Variants in TBC1D5 observed in about 807,000 individuals in gnomAD.
TBC1D5 encodes the protein TBC1 domain family member 5, also known as TBC1 domain family, member 5.
Under a neutral mutation model 100.3 loss-of-function variants are expected in TBC1D5, and 75 were observed. The ratio of observed to expected loss-of-function variants is 0.75; its 90% CI spans 0.62 to 0.91. The LOEUF is 0.91. Among genes scored for constraint, TBC1D5 ranks in the 40% least tolerant of loss-of-function variants. TBC1D5 has a pLI of 0.00. For missense variants in TBC1D5, 910 were observed against 942.4 expected (o/e 0.97, Z 0.45); for synonymous variants, 323 against 325.6 (o/e 0.99, Z 0.09).
At chr3:17,626,462 T>A (rs2063071801) in intron 1 of TBC1D5, among the ~76,000 whole-genome samples, 3 of 152,304 alleles carry the variant, frequency 2.0e-5, no homozygotes, top group African/African-American at 7.2e-5. Flanking sequence ...TATAACATGG[T>A]CCCTGCTTTC....
At chr3:17,697,169 G>C (rs2072254689) in intron 1 of TBC1D5, among the ~76,000 whole-genome samples, 1 of 152,178 alleles carries the variant, frequency 6.6e-6, no homozygotes, top group Non-Finnish European at 1.5e-5. Context: ...GCAACAACCG[G>C]AAGCATTTCC....
chr3:17,385,561 G>C (rs918718625), intron 8 of TBC1D5, among the ~76,000 whole-genome samples: 1 of 152,028 alleles, frequency 6.6e-6, no homozygotes, highest in Admixed American at 6.6e-5. Context: ...AATTGTGCTA[G>C]AGATCTGTGA....
At chr3:17,503,041 T>C (rs1189277469) in intron 3 of TBC1D5, among the ~76,000 whole-genome samples, 1 of 149,698 alleles carries the variant, frequency 6.7e-6, no homozygotes, top group Non-Finnish European at 1.5e-5. Context: ...CTGTAGTTTA[T>C]TCACCCTACT....
At chr3:17,685,414 A>G (rs973833512) in intron 1 of TBC1D5, among the ~76,000 whole-genome samples, 3 of 151,914 alleles carry the variant, frequency 2.0e-5, no homozygotes, top group Non-Finnish European at 4.4e-5. Flanking sequence ...AAATAATCAA[A>G]TAAATAAATA....
At chr3:17,726,150 C>T (rs1419525348) in intron 1 of TBC1D5, among the ~76,000 whole-genome samples, 5 of 152,028 alleles carry the variant, frequency 3.3e-5, no homozygotes, top group Admixed American at 6.5e-5. Context: ...ATGTCTTTGC[C>T]GTCGCGAACA....
At chr3:17,212,079 A>T (rs1283298750) in intron 18 of TBC1D5, among the ~76,000 whole-genome samples, 1 of 152,204 alleles carries the variant, frequency 6.6e-6, no homozygotes, top group African/African-American at 2.4e-5. Context: ...AAAGGTTAAT[A>T]GTTTGTTTGT....
chr3:17,211,904 A>T (rs1445377589), intron 18 of TBC1D5, among the ~76,000 whole-genome samples: 2 of 152,158 alleles, frequency 1.3e-5, no homozygotes, highest in Non-Finnish European at 2.9e-5. Context: ...CTACATGTTG[A>T]AGGGATCCCT....
chr3:17,244,089 T>G (rs1489227932), intron 16 of TBC1D5, among the ~76,000 whole-genome samples: 1 of 152,082 alleles, frequency 6.6e-6, no homozygotes, highest in African/African-American at 2.4e-5. Context: ...GTTAAAAAAG[T>G]GAGTTACAAA....
At chr3:17,245,960 G>A (rs2149198455) in intron 16 of TBC1D5, among the ~76,000 whole-genome samples, 1 of 152,240 alleles carries the variant, frequency 6.6e-6, no homozygotes, top group Non-Finnish European at 1.5e-5. Context: ...AGAAAGGGAA[G>A]AGAGTATAAT....
chr3:17,601,815 T>C (rs553345980), intron 2 of TBC1D5, among the ~76,000 whole-genome samples: 3 of 152,282 alleles, frequency 2.0e-5, no homozygotes, highest in African/African-American at 2.4e-5. Flanking sequence ...ATCACACAGT[T>C]AATAAGTGGG....
At chr3:17,254,062 G>A (rs1319250107) in intron 16 of TBC1D5, among the ~76,000 whole-genome samples, 3 of 152,180 alleles carry the variant, frequency 2.0e-5, no homozygotes, top group Admixed American at 6.5e-5. Flanking sequence ...TAGCTGAGTA[G>A]TATTCCATTA....
At chr3:17,349,360 G>C (rs1036973922) in intron 13 of TBC1D5, among the ~76,000 whole-genome samples, 5 of 152,188 alleles carry the variant, frequency 3.3e-5, no homozygotes, top group African/African-American at 1.2e-4. Context: ...GGTGCTGCTG[G>C]TTCTGGGATG....
At chr3:17,234,449 T>C (rs1195471294) in intron 17 of TBC1D5, among the ~76,000 whole-genome samples, 6 of 145,786 alleles carry the variant, frequency 4.1e-5, no homozygotes, top group Non-Finnish European at 7.6e-5. Context: ...AAAAACCAAG[T>C]GCATTTTAAG....
At chr3:17,190,789 C>G (rs976200932) in intron 18 of TBC1D5, among the ~76,000 whole-genome samples, 1 of 152,162 alleles carries the variant, frequency 6.6e-6, no homozygotes, top group African/African-American at 2.4e-5. Context: ...TGGGTGTCCT[C>G]AGATCACAAG....
chr3:17,635,702 C>T (rs992791788), intron 1 of TBC1D5, among the ~76,000 whole-genome samples: 3 of 152,004 alleles, frequency 2.0e-5, no homozygotes, highest in African/African-American at 4.8e-5. Context: ...TGAGTGTTGA[C>T]ACTATCCTAA....
intron 15 of TBC1D5, among the ~76,000 whole-genome samples, chr3:17,287,993 T>G (rs1365825330): frequency 3.3e-5 from 5 of 152,340 alleles, no homozygotes; most frequent in African/African-American, 1.2e-4. Context: ...GTTAATTTCA[T>G]TGAGAATTGT....
chr3:17,630,747 C>T (rs967853708), intron 1 of TBC1D5, among the ~76,000 whole-genome samples: 3 of 152,006 alleles, frequency 2.0e-5, no homozygotes, highest in Admixed American at 2.0e-4. Flanking sequence ...AAAAGTTAGG[C>T]CTCCCAGGCT....
At chr3:17,178,485 T>C (rs2068068027) in intron 19 of TBC1D5, among the ~76,000 whole-genome samples, 1 of 152,172 alleles carries the variant, frequency 6.6e-6, no homozygotes, top group African/African-American at 2.4e-5. Flanking sequence ...GGAGTGCAGA[T>C]ATCTCTTCGA....
chr3:17,637,728 G>A (rs2064098392), intron 1 of TBC1D5, among the ~76,000 whole-genome samples: 1 of 152,164 alleles, frequency 6.6e-6, no homozygotes, highest in South Asian at 2.1e-4. Flanking sequence ...ACAATATCCA[G>A]CAGTGGCAAG....
Sources: gnomAD v4.1 joint callset for allele counts (sites outside exome capture counted in the v4.1 genomes callset) on GRCh38, gnomAD v4.1.1 for gene constraint, MANE v1.5 for transcripts, NCBI Gene and HGNC (gene_info 2026-07-23, HGNC 2026-07-21) for gene names.